The following CLIC5 variants were observed in gnomAD, a reference collection of about 807,000 sequenced individuals.
CLIC5 encodes the protein CLIC family member 5.
Under a neutral mutation model 24.7 loss-of-function variants are expected in CLIC5, and 20 were observed. That is an observed-to-expected ratio of 0.81 (90% CI 0.57 to 1.18). CLIC5 has a LOEUF of 1.18. CLIC5 is among the 50% of genes most tolerant of loss of function. The pLI is 0.00. For missense variants in CLIC5, 341 were observed against 326.1 expected (o/e 1.05, Z -0.35); for synonymous variants, 159 against 135.6 (o/e 1.17, Z -1.20).
chr6:46,015,209 G>C (rs543156712), intron 1 of CLIC5, among the ~76,000 whole-genome samples: 4 of 152,200 alleles, frequency 2.6e-5, no homozygotes, highest in Non-Finnish European at 5.9e-5. Context: ...CTCTGGACTC[G>C]GACTCGCAGC....
intron 1 of CLIC5, among the ~76,000 whole-genome samples, chr6:46,046,214 G>C (rs1012094287): frequency 2.0e-5 from 3 of 152,114 alleles, no homozygotes; most frequent in African/African-American, 7.2e-5. Flanking sequence ...TTTTCCTCTT[G>C]GGGTTTTAGT....
upstream of CLIC5, among the ~76,000 whole-genome samples, chr6:46,020,551 C>CAAAAATAATA (rs2127449621): frequency 6.6e-6 from 1 of 150,560 alleles, no homozygotes; most frequent in South Asian, 2.1e-4. Flanking sequence ...CCAAAGCAAG[C>CAAAAATAATA]AAAAATAATA....
intron 1 of CLIC5, among the ~76,000 whole-genome samples, chr6:46,040,109 T>C (rs2127460005): frequency 6.6e-6 from 1 of 152,332 alleles, no homozygotes; most frequent in South Asian, 2.1e-4. Context: ...TTAATGTAAA[T>C]AAACCATTCA....
intron 1 of CLIC5, among the ~76,000 whole-genome samples, chr6:46,031,866 T>C (rs888038723): frequency 4.9e-5 from 7 of 143,708 alleles, no homozygotes; most frequent in East Asian, 2.0e-4. Context: ...TATATACACA[T>C]ATATATATAA....
chr6:46,036,312 T>G (rs78462777), intron 1 of CLIC5, among the ~76,000 whole-genome samples: 5,789 of 139,628 alleles, frequency 0.041, 238 homozygotes, highest in South Asian at 0.18. Context: ...AGGTCTTTTT[T>G]TTTTTTTTTT....
At chr6:45,886,684 G>T (rs1762308820) in intron 6 of CLIC5, among the ~76,000 whole-genome samples, 2 of 152,128 alleles carry the variant, frequency 1.3e-5, no homozygotes, top group Admixed American at 6.5e-5. Context: ...TCAGACAAAT[G>T]GTTTTGAAAA....
chr6:45,920,628 A>G, intron 4 of CLIC5: 1 of 929,256 alleles, frequency 1.1e-6, no homozygotes, highest in Non-Finnish European at 1.3e-6. Flanking sequence ...AAAAATAATA[A>G]TAAGAAGAAT....
At chr6:46,016,918 C>T (rs1359247031), upstream of CLIC5, among the ~76,000 whole-genome samples, 6 of 152,152 alleles carry the variant, frequency 3.9e-5, no homozygotes, top group Admixed American at 6.5e-5. Flanking sequence ...CCATTTTCAC[C>T]GACACACTTA....
At chr6:45,951,890 C>A (rs546785013) in intron 2 of CLIC5, among the ~76,000 whole-genome samples, 1 of 150,018 alleles carries the variant, frequency 6.7e-6, no homozygotes, top group African/African-American at 2.4e-5. Flanking sequence ...CCTCCCCAAA[C>A]ACACACACTC....
chr6:46,027,979 C>T (rs554589093), intron 1 of CLIC5, among the ~76,000 whole-genome samples: 1 of 152,174 alleles, frequency 6.6e-6, no homozygotes, highest in Non-Finnish European at 1.5e-5. Context: ...TATTTTTTCT[C>T]TCTGATAAAA....
At chr6:45,883,051 C>T (rs150672050) in intron 6 of CLIC5, among the ~76,000 whole-genome samples, 234 of 152,288 alleles carry the variant, frequency 1.5e-3, no homozygotes, top group African/African-American at 5.4e-3. Flanking sequence ...ATGGAGATTC[C>T]GAGCTGGTGG....
chr6:46,046,648 A>G (rs781633070), intron 1 of CLIC5, among the ~76,000 whole-genome samples: 3 of 152,312 alleles, frequency 2.0e-5, no homozygotes, highest in Admixed American at 6.5e-5. Flanking sequence ...ACTTGAAACC[A>G]TGTCCATTTC....
the CLIC5 span, among the ~76,000 whole-genome samples, chr6:46,098,978 C>T: frequency 6.6e-6 from 1 of 152,174 alleles, no homozygotes; most frequent in African/African-American, 2.4e-5. Flanking sequence ...CCAGCACTGG[C>T]TGCGGGGGTG....
At chr6:45,948,507 C>CA (rs2127378530) in intron 3 of CLIC5, among the ~76,000 whole-genome samples, 1 of 152,250 alleles carries the variant, frequency 6.6e-6, no homozygotes, top group South Asian at 2.1e-4. Flanking sequence ...AGGATAATAC[C>CA]CTACAGGATA....
the CLIC5 span, among the ~76,000 whole-genome samples, chr6:46,108,401 T>TGA: frequency 4.7e-3 from 665 of 141,736 alleles, 1 homozygote; most frequent in African/African-American, 9.5e-3. Context: ...TGTGTGTGTG[T>TGA]GAGAGAGAGA....
At chr6:46,014,133 G>A (rs961836266) in intron 1 of CLIC5, 1 of 152,198 alleles carries the variant, frequency 6.6e-6, no homozygotes, top group Non-Finnish European at 1.5e-5. Flanking sequence ...TAAATGTCAG[G>A]TGTAAGCTTG....
chr6:45,982,974 C>A (rs1357690501), intron 1 of CLIC5, among the ~76,000 whole-genome samples: 1 of 152,076 alleles, frequency 6.6e-6, no homozygotes, highest in African/African-American at 2.4e-5. Flanking sequence ...AGGTGAGAAA[C>A]GATTCAAGCA....
At chr6:45,974,632 T>C (rs1369301890) in intron 1 of CLIC5, among the ~76,000 whole-genome samples, 1 of 150,838 alleles carries the variant, frequency 6.6e-6, no homozygotes, top group African/African-American at 2.4e-5. Flanking sequence ...ATAACATCAG[T>C]TTCTTCAGGT....
chr6:46,104,545 G>A, the CLIC5 span, among the ~76,000 whole-genome samples: 2 of 151,784 alleles, frequency 1.3e-5, no homozygotes, highest in African/African-American at 4.8e-5. Context: ...AATTTTGGGG[G>A]AGGGGGATTT....
Sources: gnomAD v4.1 joint callset for allele counts (sites outside exome capture counted in the v4.1 genomes callset) on GRCh38, gnomAD v4.1.1 for gene constraint, MANE v1.5 for transcripts, NCBI Gene and HGNC (gene_info 2026-07-23, HGNC 2026-07-21) for gene names.